Variants in AQP7 observed in about 807,000 individuals in gnomAD.
AQP7 encodes aquaporin 7.
Under a neutral mutation model 26.1 loss-of-function variants are expected in AQP7, and 22 were observed. The observed-to-expected ratio is 0.84, with a 90% confidence interval of 0.60 to 1.20. The LOEUF (loss-of-function observed/expected upper bound fraction) is 1.20, where lower values mean the gene tolerates loss of function less well. Ranked by LOEUF, AQP7 falls within the 50% of genes most tolerant of loss-of-function variation. The pLI is 0.00. For synonymous variants in AQP7, 167 were observed against 181.7 expected (o/e 0.92, Z 0.65); for missense variants, 412 against 457.5 (o/e 0.90, Z 0.91).
chr9:33,384,880 C>T lies in AQP7; in HGVS notation c.*125G>A, dbSNP rs570142544. ...TCTACACCTTGGGCTAAGACATAGC[C>T]CTGGAGCTCCTGTAAGAACCCAGGA... is the stretch of plus-strand genomic sequence containing the variant. On this transcript the variant is annotated 3_prime_UTR_variant, in exon 8 of 8. Coordinates refer to ENST00000297988, the MANE Select transcript of AQP7 (RefSeq NM_001170.3). The T allele has an allele frequency of 4.2e-5, 49 of 1,173,786 alleles. No individual in the cohort carries two copies. In the South Asian group the frequency reaches 4.3e-4, roughly 10 times the overall value. The allele number at this position is 1,173,786 out of a possible 1,614,324, so 72.7% of individuals were successfully genotyped here. A position where few individuals can be genotyped will look rare whatever the true frequency, so the allele number is the denominator to read the frequency against.
chr9:33,389,994 C>T (rs1362034928), intron 3 of AQP7, among the ~76,000 whole-genome samples: 13 of 146,412 alleles, frequency 8.9e-5, no homozygotes, highest in Non-Finnish European at 1.8e-4. Context: ...CGCCACTACA[C>T]TCCAGCCTGG....
At chr9:33,399,488 G>A (rs568643110) in intron 2 of AQP7, among the ~76,000 whole-genome samples, 6 of 151,712 alleles carry the variant, frequency 4.0e-5, no homozygotes, top group African/African-American at 1.5e-4. Flanking sequence ...ATACCAGCTG[G>A]GGGGGGAGGG....
rs1376273760 is a variant in AQP7 at position 33,385,207 on chromosome 9, A to G, written c.827T>C (p.Ile276Thr). 3.1e-6 allele frequency: 5 copies of G among 1,611,948 alleles called. No homozygotes were observed. Among genetic ancestry groups the G allele is most frequent in the East Asian group, 2.2e-5 (1 of 44,876 alleles). ...YLGGIIYLVF[I>T]GSTIPREPLK... ...GGGCTCCCGTGGGATGGTGGAGCCA[A>G]TGAAGACCAGGTAGATGATGCCACC... is the stretch of plus-strand genomic sequence containing the variant. Residue 276 changes from isoleucine (I) to threonine (T), a missense_variant, in exon 8 of 8, where the codon ATT becomes ACT. Ile to Thr is a moderately conservative substitution (Grantham distance 89). Transcript: ENST00000297988.
intron 3 of AQP7, 23 bp downstream of exon 3, chr9:33,395,055 C>T: frequency 1.2e-6 from 2 of 1,602,788 alleles, no homozygotes; most frequent in Non-Finnish European, 1.7e-6. Context: ...GCCCCACCCA[C>T]TTCGTGCTGC....
intron 3 of AQP7, among the ~76,000 whole-genome samples, chr9:33,388,432 A>G (rs1055924243): frequency 1.3e-4 from 20 of 151,980 alleles, no homozygotes; most frequent in African/African-American, 4.8e-4. Flanking sequence ...TCTTCCCCAG[A>G]CTCACTCACT....
At chr9:33,393,366 G>T (rs147893944) in intron 3 of AQP7, among the ~76,000 whole-genome samples, 28 of 152,352 alleles carry the variant, frequency 1.8e-4, no homozygotes, top group African/African-American at 6.5e-4. Flanking sequence ...TGAGAAGTCA[G>T]GCTTTAAGCC....
rs144909659 is a variant in AQP7, at chr9:33,385,104, C to A, written c.930G>T (p.Thr310=). The A allele has an allele frequency of 6.2e-7, 1 of 1,611,896 alleles. No homozygotes were observed. Among genetic ancestry groups the A allele is most frequent in the Non-Finnish European group, 8.5e-7 (1 of 1,179,820 alleles). ...VLPKMGSHEP[T]ISPLTPVSVS... is the part of the protein sequence containing the mutation. Reference sequence around the variant, plus strand: ...CAGAGACGGGGGTGAGGGGAGAGATCGTGGGTTCATGAGATCCCATCTTGG... The same window carrying A: ...CAGAGACGGGGGTGAGGGGAGAGATAGTGGGTTCATGAGATCCCATCTTGG... The change falls in exon 8 of 8, where the codon ACG becomes ACT. Residue 310 remains threonine, a synonymous_variant. Coordinates refer to ENST00000297988, the MANE Select transcript of AQP7 (RefSeq NM_001170.3).
chr9:33,384,798 A>G lies in AQP7; in HGVS notation c.*207T>C, dbSNP rs1169892753. 4 of 593,684 alleles carry G rather than the reference A, an allele frequency of 6.7e-6. No individual in the cohort carries two copies. Among genetic ancestry groups the G allele is most frequent in the Non-Finnish European group, 1.2e-5 (4 of 342,026 alleles). 36.8% of individuals were successfully genotyped at this position (593,684 alleles called of 1,614,324 possible). A position where few individuals can be genotyped will look rare whatever the true frequency, so the allele number is the denominator to read the frequency against. Reference sequence around the variant, plus strand: ...TGAGGGCGCAGGTCATCTCTTCCCCATTCTCCCCCTGGGGCACCCCAGTTC... The same window carrying G: ...TGAGGGCGCAGGTCATCTCTTCCCCGTTCTCCCCCTGGGGCACCCCAGTTC... On this transcript the variant is annotated 3_prime_UTR_variant, in exon 8 of 8. Transcript: ENST00000297988.
intron 7 of AQP7, 62 bp from the exon 8 acceptor site, chr9:33,385,352 C>A: frequency 6.5e-7 from 1 of 1,547,682 alleles, no homozygotes; most frequent in Non-Finnish European, 8.7e-7. Context: ...CCCTCATCCA[C>A]CTCGGGCCAA....
intron 3 of AQP7, chr9:33,394,011 A>G (rs1161061498): frequency 6.6e-6 from 1 of 152,426 alleles, no homozygotes; most frequent in Admixed American, 6.5e-5. Context: ...AGTATTGACA[A>G]CTACCACCTG....
intron 4 of AQP7, 73 bp from the exon 5 acceptor site, chr9:33,386,614 C>T (rs896136606): frequency 5.8e-5 from 88 of 1,527,964 alleles, no homozygotes; most frequent in East Asian, 1.7e-4. Flanking sequence ...ATGAGAACAA[C>T]GATGGCTAGT....
rs763311844 is a variant in AQP7 at position 33,385,184 on chromosome 9, G to C, written c.850C>G (p.Pro284Ala). 1 of 1,611,896 alleles carries C rather than the reference G, an allele frequency of 6.2e-7. No homozygotes were observed. Among genetic ancestry groups the C allele is most frequent in the South Asian group, 1.1e-5 (1 of 90,976 alleles). ...GCCACAGAATCCTCCAATTTCAGGG[G>C]CTCCCGTGGGATGGTGGAGCCAATG... ...VFIGSTIPRE[P>A]LKLEDSVAYE... Residue 284 changes from proline (P) to alanine (A), a missense_variant, in exon 8 of 8, where the codon CCC (proline) becomes GCC (alanine). Transcript: ENST00000297988.
intron 2 of AQP7, among the ~76,000 whole-genome samples, chr9:33,398,555 G>A (rs562928987): frequency 8.7e-4 from 132 of 152,356 alleles, no homozygotes; most frequent in African/African-American, 2.6e-3. Context: ...TTTGGTTAGA[G>A]AGGGAAGAGA....
intron 3 of AQP7, among the ~76,000 whole-genome samples, chr9:33,393,605 A>G (rs1825598693): frequency 6.6e-6 from 1 of 152,166 alleles, no homozygotes; most frequent in Non-Finnish European, 1.5e-5. Flanking sequence ...TGCAATAAAC[A>G]TGGCTACAGT....
intron 2 of AQP7, 183 bp downstream of exon 2, chr9:33,401,054 C>T: frequency 1.5e-6 from 1 of 670,318 alleles, no homozygotes; most frequent in South Asian, 1.8e-5. Flanking sequence ...GGACCCAGCC[C>T]AGGCAACAGG....
chr9:33,394,657 C>T lies in AQP7; in HGVS notation c.144+421G>A, dbSNP rs1160916626. Among the ~76,000 whole-genome samples the T allele has an allele frequency of 2.6e-5, 4 of 151,924 alleles. No homozygotes were observed. In the East Asian group the frequency reaches 7.7e-4, roughly 29 times the overall value. On this transcript the variant is annotated intron_variant, in intron 3 of 7. Transcript: ENST00000297988. ...AGATTACAGGCGTCCGCCACCATGC[C>T]CAGCTAATTTTTGTATTTTTAGTAG...
At chr9:33,392,355 CAG>C (rs1315293075) in intron 3 of AQP7, among the ~76,000 whole-genome samples, 18 of 151,444 alleles carry the variant, frequency 1.2e-4, no homozygotes, top group Non-Finnish European at 2.6e-4. Flanking sequence ...TCTTGACTTA[CAG>C]TGTGACCTTG....
In AQP7 at chr9:33,394,487, T is replaced by TTTTTTTTTTTTTTC. The variant is rs932041229; in HGVS notation, c.144+590_144+591insGAAAAAAAAAAAAA. The stretch of plus-strand genomic sequence containing the variant: ...AGTTTCTCTTCAATCTCTCTCTCTC[T>TTTTTTTTTTTTTTC]TTTTTTTTTTTTTTCTTTTTTTTTT... On this transcript the variant is annotated intron_variant, in intron 3 of 7. Transcript: ENST00000297988. 0.011 allele frequency among the ~76,000 whole-genome samples: 45 copies of TTTTTTTTTTTTTTC among 4,114 alleles called. 1 individual carries two copies. The Non-Finnish European group carries it at 0.38, about 35-fold the overall frequency. 2.7% of individuals were successfully genotyped at this position (4,114 alleles called of 152,430 possible).
At chr9:33,402,040 G>A in intron 1 of AQP7, among the ~76,000 whole-genome samples, 1 of 152,118 alleles carries the variant, frequency 6.6e-6, no homozygotes, top group Admixed American at 6.5e-5. Flanking sequence ...CACTGCCGGT[G>A]GTCTTCAGCT....
Sources: gnomAD v4.1 joint callset for allele counts (sites outside exome capture counted in the v4.1 genomes callset) on GRCh38, gnomAD v4.1.1 for gene constraint, MANE v1.5 for transcripts, NCBI Gene and HGNC (gene_info 2026-07-23, HGNC 2026-07-21) for gene names.